Variants in ADK observed in about 807,000 individuals in gnomAD.
ADK encodes N6,N6-dimethyladenosine kinase.
A neutral mutation model predicts 44.7 loss-of-function variants in ADK; 24 were observed. The ratio of observed to expected loss-of-function variants is 0.54; its 90% confidence interval spans 0.39 to 0.76. The LOEUF is 0.76. Among genes scored for constraint, ADK ranks in the 30% least tolerant of loss-of-function variants. ADK has a pLI of 0.00. For synonymous variants in ADK, 128 were observed against 142.6 expected, an observed-to-expected ratio of 0.90 and a Z score of 0.73; for missense variants, 321 against 425.1, an observed-to-expected ratio of 0.76 and a Z score of 2.15.
intron 1 of ADK, among the ~76,000 whole-genome samples, chr10:74,177,945 A>ATATATTTTTTT (rs10693309): frequency 1.8e-5 from 2 of 109,010 alleles, no homozygotes; most frequent in Non-Finnish European, 3.7e-5. Flanking sequence ...ATATATATAT[A>ATATATTTTTTT]TTTTTTTTTT....
chr10:74,188,737 T>A (rs1842855131), intron 1 of ADK, among the ~76,000 whole-genome samples: 1 of 152,040 alleles, frequency 6.6e-6, no homozygotes, highest in South Asian at 2.1e-4. Context: ...TTTTAAACCT[T>A]TCTTGTTTTC....
chr10:74,236,838 A>G (rs1564611007), intron 3 of ADK, among the ~76,000 whole-genome samples: 1 of 152,238 alleles, frequency 6.6e-6, no homozygotes, highest in Non-Finnish European at 1.5e-5. Flanking sequence ...GCCTTAATTT[A>G]ATGTAATCTA....
intron 4 of ADK, among the ~76,000 whole-genome samples, chr10:74,378,816 G>A (rs1055870048): frequency 6.6e-6 from 1 of 152,108 alleles, no homozygotes. Flanking sequence ...AAATCCAGTA[G>A]GGAGCCGGGT....
At chr10:74,268,141 A>G (rs1257651559) in intron 3 of ADK, among the ~76,000 whole-genome samples, 1 of 152,006 alleles carries the variant, frequency 6.6e-6, no homozygotes, top group East Asian at 1.9e-4. Flanking sequence ...TGGGCAGCAT[A>G]ATGAGATCCC....
At chr10:74,583,899 C>T (rs543950109) in intron 7 of ADK, among the ~76,000 whole-genome samples, 2 of 152,256 alleles carry the variant, frequency 1.3e-5, no homozygotes, top group Admixed American at 6.5e-5. Context: ...CACTCATGTC[C>T]GGTCACAGCC....
chr10:74,292,315 G>A (rs1052918781), intron 3 of ADK, among the ~76,000 whole-genome samples: 2 of 152,144 alleles, frequency 1.3e-5, no homozygotes, highest in African/African-American at 4.8e-5. Flanking sequence ...CGGTGTATAG[G>A]CCTGTTTCTG....
At chr10:74,257,132 A>T (rs1845853481) in intron 3 of ADK, among the ~76,000 whole-genome samples, 1 of 152,202 alleles carries the variant, frequency 6.6e-6, no homozygotes, top group Admixed American at 6.5e-5. Context: ...TGAACTTTAT[A>T]TTTTACATGA....
At chr10:74,317,694 C>T (rs1344968519) in intron 4 of ADK, among the ~76,000 whole-genome samples, 3 of 152,054 alleles carry the variant, frequency 2.0e-5, no homozygotes, top group Non-Finnish European at 2.9e-5. Context: ...AAAGGAATGC[C>T]CATCTCTGAT....
chr10:74,502,951 C>A (rs763068519), intron 6 of ADK, among the ~76,000 whole-genome samples: 1 of 152,048 alleles, frequency 6.6e-6, no homozygotes, highest in African/African-American at 2.4e-5. Flanking sequence ...TTATGTAGTT[C>A]GTTACTAAGA....
intron 7 of ADK, among the ~76,000 whole-genome samples, chr10:74,582,125 C>A (rs71473741): frequency 1.3e-5 from 2 of 152,070 alleles, no homozygotes; most frequent in Non-Finnish European, 2.9e-5. Flanking sequence ...ATGGAAATAA[C>A]CTGCCTGGGC....
chr10:74,397,877 T>C (rs553849498), intron 5 of ADK, among the ~76,000 whole-genome samples: 1 of 152,214 alleles, frequency 6.6e-6, no homozygotes, highest in Non-Finnish European at 1.5e-5. Flanking sequence ...TGCTTAGATA[T>C]TCCATTTCTA....
chr10:74,546,910 C>G (rs75242757), intron 7 of ADK, among the ~76,000 whole-genome samples: 1 of 151,972 alleles, frequency 6.6e-6, no homozygotes, highest in African/African-American at 2.4e-5. Flanking sequence ...CATTGTAGAG[C>G]GTTAAAAATA....
At chr10:74,616,674 G>A (rs1490789366) in intron 9 of ADK, among the ~76,000 whole-genome samples, 2 of 152,118 alleles carry the variant, frequency 1.3e-5, no homozygotes, top group Non-Finnish European at 2.9e-5. Context: ...TGTTCTTCAA[G>A]ATTATCCTGG....
chr10:74,357,187 T>G (rs1173722830), intron 4 of ADK, among the ~76,000 whole-genome samples: 1 of 152,228 alleles, frequency 6.6e-6, no homozygotes, highest in Non-Finnish European at 1.5e-5. Flanking sequence ...AAATTGTCTT[T>G]GTTTCTGATC....
At chr10:74,655,960 T>G (rs1362677622) in intron 9 of ADK, 1 of 697,836 alleles carries the variant, frequency 1.4e-6, no homozygotes, top group Non-Finnish European at 2.7e-6. Context: ...CAACTCCTCC[T>G]GGGCAAGGTG....
intron 3 of ADK, among the ~76,000 whole-genome samples, chr10:74,275,934 C>T (rs1846655441): frequency 6.6e-6 from 1 of 152,152 alleles, no homozygotes; most frequent in Admixed American, 6.6e-5. Context: ...AACCACTGTA[C>T]CCAGCCCTTA....
rs1050414910 is a variant in ADK, at chr10:74,354,803, C to T, written c.274-39338C>T. Reference sequence around the variant, plus strand: ...GCATCACTCCACTTTAATGTATTATCTATCTTAAAAAAGTTAAACAGAAAG... The same window carrying T: ...GCATCACTCCACTTTAATGTATTATTTATCTTAAAAAAGTTAAACAGAAAG... On this transcript the variant is annotated intron_variant, in intron 4 of 10. Coordinates refer to ENST00000539909, the MANE Select transcript of ADK (RefSeq NM_006721.4). Among the ~76,000 whole-genome samples the T allele has an allele frequency of 1.8e-4, 28 of 152,300 alleles. 1 individual carries two copies. The highest frequency in any genetic ancestry group is 1.6e-3 in the Admixed American group (24 of 15,304).
chr10:74,501,355 ACTT>A (rs1847878980), intron 6 of ADK, among the ~76,000 whole-genome samples: 1 of 152,146 alleles, frequency 6.6e-6, no homozygotes, highest in South Asian at 2.1e-4. Context: ...TATTTCTTAA[ACTT>A]CTTCATCATA....
At chr10:74,173,147 C>T (rs1289486577) in intron 1 of ADK, among the ~76,000 whole-genome samples, 1 of 149,550 alleles carries the variant, frequency 6.7e-6, no homozygotes, top group Non-Finnish European at 1.5e-5. Context: ...GGCTGGAGTG[C>T]AGTGGCATGA....
Sources: allele counts gnomAD v4.1 joint callset (sites outside exome capture counted in the v4.1 genomes callset), GRCh38; gene constraint gnomAD v4.1.1; transcripts MANE v1.5; gene names NCBI Gene and HGNC (gene_info 2026-07-23, HGNC 2026-07-21).